Variants in KLHDC10 observed in about 807,000 individuals in gnomAD.
The protein encoded by KLHDC10 is kelch domain containing 10, also known as kelch domain-containing protein 10.
KLHDC10 carries 24 observed loss-of-function variants against 56.1 expected under a neutral mutation model. The observed-to-expected ratio is 0.43, with a 90% CI of 0.31 to 0.60. The LOEUF is 0.60. Ranked by LOEUF, KLHDC10 falls within the 20% of genes least tolerant of loss-of-function variation. The pLI is 0.11. For missense variants in KLHDC10, 349 were observed against 567.0 expected, an observed-to-expected ratio of 0.62 and a Z score of 3.91; for synonymous variants, 188 against 207.1, an observed-to-expected ratio of 0.91 and a Z score of 0.79.
chr7:130,105,511 AT>A (rs1229117556), intron 2 of KLHDC10, among the ~76,000 whole-genome samples: 3 of 152,380 alleles, frequency 2.0e-5, no homozygotes, highest in African/African-American at 7.2e-5. Flanking sequence ...GAAAGAAAAT[AT>A]ACTATATTAT....
rs190016254 is a variant in KLHDC10 at position 130,087,652 on chromosome 7, A to G, written c.167-9269A>G. ...CAAACTGTCAACTCAATTAATTTCA[A>G]TCAGATGTGTAATTGATCAAATGCT... On this transcript the variant is annotated intron_variant, in intron 1 of 9. Coordinates refer to ENST00000335420, the MANE Select transcript of KLHDC10 (RefSeq NM_014997.4). 1.7e-4 allele frequency among the ~76,000 whole-genome samples: 26 copies of G among 152,318 alleles called. No individual in the cohort carries two copies. The South Asian group carries it at 1.9e-3, about 11-fold the overall frequency.
chr7:130,118,455 T>C (rs756063169), intron 3 of KLHDC10, among the ~76,000 whole-genome samples: 1 of 152,234 alleles, frequency 6.6e-6, no homozygotes, highest in Admixed American at 6.5e-5. Context: ...AATGTTGTAG[T>C]TGATCTTCTG....
intron 1 of KLHDC10, among the ~76,000 whole-genome samples, chr7:130,086,437 G>A (rs1795690827): frequency 1.3e-5 from 2 of 152,108 alleles, no homozygotes; most frequent in South Asian, 4.1e-4. Flanking sequence ...TATGCAAGAG[G>A]AGAAAGTGTC....
At chr7:130,121,196 C>T (rs1054248324) in intron 4 of KLHDC10, among the ~76,000 whole-genome samples, 1 of 151,948 alleles carries the variant, frequency 6.6e-6, no homozygotes, top group African/African-American at 2.4e-5. Flanking sequence ...AACCCCACCT[C>T]CACCTCTACC....
At position 130,122,204 on chromosome 7, in the gene KLHDC10, T is replaced by G; in HGVS notation, c.779+2T>G. The G allele has an allele frequency of 6.2e-7, 1 of 1,612,492 alleles. No individual in the cohort carries two copies. The highest frequency in any genetic ancestry group is 8.5e-7 in the Non-Finnish European group (1 of 1,179,422). On this transcript the variant is annotated splice_donor_variant, in intron 5 of 9. Transcript: ENST00000335420. LOFTEE classifies it high-confidence loss of function. Reference sequence around the variant, plus strand: ...ATCCTGTGATCTACCAGAAGAGAGGTGAGGTTCTAGGATTCAAGCATATTT... The same window carrying G: ...ATCCTGTGATCTACCAGAAGAGAGGGGAGGTTCTAGGATTCAAGCATATTT...
At chr7:130,093,391 T>A (rs1185034748) in intron 1 of KLHDC10, among the ~76,000 whole-genome samples, 1 of 151,744 alleles carries the variant, frequency 6.6e-6, no homozygotes, top group African/African-American at 2.4e-5. Context: ...GCCCAGCTAA[T>A]TTTTTTTGTA....
intron 2 of KLHDC10, among the ~76,000 whole-genome samples, chr7:130,112,433 C>T (rs1477788901): frequency 6.6e-6 from 1 of 152,152 alleles, no homozygotes; most frequent in Non-Finnish European, 1.5e-5. Context: ...TAATTTTTTG[C>T]TTTTACATTT....
chr7:130,078,209 A>G (rs1449853816), intron 1 of KLHDC10, among the ~76,000 whole-genome samples: 1 of 151,570 alleles, frequency 6.6e-6, no homozygotes, highest in Non-Finnish European at 1.5e-5. Context: ...CTCTACTGAA[A>G]ACACACACAA....
chr7:130,071,122 G>T (rs181979005), intron 1 of KLHDC10, among the ~76,000 whole-genome samples: 2 of 152,266 alleles, frequency 1.3e-5, no homozygotes, highest in African/African-American at 4.8e-5. Flanking sequence ...TTCCCCTTCC[G>T]CAGTTTGATC....
intron 8 of KLHDC10, among the ~76,000 whole-genome samples, chr7:130,128,875 T>TAAAAAAAAAAAAAAA (rs1164826285): frequency 4.7e-5 from 2 of 42,320 alleles, no homozygotes; most frequent in Non-Finnish European, 7.9e-5. Flanking sequence ...CCTTGTCTCT[T>TAAAAAAAAAAAAAAA]AAAAAAAAAA....
intron 2 of KLHDC10, among the ~76,000 whole-genome samples, chr7:130,106,004 C>G (rs1796002246): frequency 6.6e-6 from 1 of 152,084 alleles, no homozygotes; most frequent in South Asian, 2.1e-4. Context: ...ACAAAATTAG[C>G]TGGGCATGGT....
In KLHDC10 at chr7:130,084,497, G is replaced by A. The variant is rs116673402; in HGVS notation, c.167-12424G>A. On this transcript the variant is annotated intron_variant, in intron 1 of 9. Coordinates refer to ENST00000335420, the MANE Select transcript of KLHDC10 (RefSeq NM_014997.4). ...ATCAAGATGATTGCTAACAAGGCTA[G>A]ATGCGGTGGTTGACGCCTGTAATCC... Among the ~76,000 whole-genome samples, 862 of 152,320 alleles carry A rather than the reference G, an allele frequency of 5.7e-3. 4 individuals are homozygous for A. Among genetic ancestry groups the A allele is most frequent in the African/African-American group, 0.019 (785 of 41,578 alleles).
intron 1 of KLHDC10, among the ~76,000 whole-genome samples, chr7:130,081,250 C>T (rs774678260): frequency 2.6e-5 from 4 of 151,990 alleles, no homozygotes; most frequent in South Asian, 2.1e-4. Context: ...CCACCCGCCT[C>T]GGCCTCCCAA....
intron 1 of KLHDC10, among the ~76,000 whole-genome samples, chr7:130,073,127 G>C (rs1187752747): frequency 6.6e-6 from 1 of 151,488 alleles, no homozygotes; most frequent in African/African-American, 2.4e-5. Flanking sequence ...CCAGCACTTT[G>C]AAAGTCCAAG....
At chr7:130,124,861 C>T (rs947999228) in intron 6 of KLHDC10, among the ~76,000 whole-genome samples, 1 of 152,198 alleles carries the variant, frequency 6.6e-6, no homozygotes, top group African/African-American at 2.4e-5. Flanking sequence ...CAGAATGTCA[C>T]ATCCGCATCA....
chr7:130,072,241 T>G (rs1795425010), intron 1 of KLHDC10, among the ~76,000 whole-genome samples: 1 of 152,194 alleles, frequency 6.6e-6, no homozygotes, highest in Non-Finnish European at 1.5e-5. Context: ...AATCTTTAGG[T>G]CTTTGATCAC....
rs2116911464 is a variant in KLHDC10, at chr7:130,122,148, G to A, written c.725G>A (p.Arg242Lys). ...TDLHKLDLNTREWTQLKPNNL... is the reference protein window; with the variant it reads ...TDLHKLDLNTKEWTQLKPNNL... ...CTGCACAAGTTAGATCTCAATACCA[G>A]AGAGTGGACACAACTGAAACCAAAC... Residue 242 changes from arginine (R) to lysine (K), a missense_variant, in exon 5 of 10, where the codon AGA (arginine) becomes AAA (lysine). Transcript: ENST00000335420. The A allele has an allele frequency of 6.2e-7, 1 of 1,614,058 alleles. No homozygotes were observed. The highest frequency in any genetic ancestry group is 8.5e-7 in the Non-Finnish European group (1 of 1,179,970).
intron 3 of KLHDC10, among the ~76,000 whole-genome samples, chr7:130,117,191 T>C (rs1796180080): frequency 6.6e-6 from 1 of 152,274 alleles, no homozygotes. Flanking sequence ...TAAAAAGTGC[T>C]AACAACCATC....
chr7:130,118,046 G>A (rs1226101530), intron 3 of KLHDC10, among the ~76,000 whole-genome samples: 6 of 151,594 alleles, frequency 4.0e-5, no homozygotes, highest in Non-Finnish European at 7.4e-5. Flanking sequence ...GGTGGCAGGC[G>A]CCAGTAATCC....
Sources: gnomAD v4.1 joint callset for allele counts (sites outside exome capture counted in the v4.1 genomes callset) on GRCh38, gnomAD v4.1.1 for gene constraint, MANE v1.5 for transcripts, NCBI Gene and HGNC (gene_info 2026-07-23, HGNC 2026-07-21) for gene names.